CERS6: variants seen among roughly 807,000 people sequenced by gnomAD.
CERS6 encodes LAG1 homolog, ceramide synthase 6.
A neutral mutation model predicts 56.8 loss-of-function variants in CERS6; 26 were observed. The observed-to-expected ratio is 0.46, with a 90% confidence interval of 0.34 to 0.63. The LOEUF is 0.63. Ranked by LOEUF, CERS6 falls within the 30% of genes least tolerant of loss-of-function variation. The pLI is 0.01. For synonymous variants in CERS6, 164 were observed against 173.3 expected (o/e 0.95, Z 0.42); for missense variants, 415 against 467.5 (o/e 0.89, Z 1.04).
At chr2:168,503,046 G>T (rs1694613069) in intron 1 of CERS6, among the ~76,000 whole-genome samples, 1 of 152,136 alleles carries the variant, frequency 6.6e-6, no homozygotes, top group Non-Finnish European at 1.5e-5. Context: ...GGAGGGGATT[G>T]GATCATGGGG....
At chr2:168,707,987 T>C (rs1012105820) in intron 6 of CERS6, among the ~76,000 whole-genome samples, 5 of 152,154 alleles carry the variant, frequency 3.3e-5, no homozygotes, top group African/African-American at 4.8e-5. Flanking sequence ...ACGTATTTTG[T>C]GATTTATTTG....
At chr2:168,606,736 C>T (rs1684062493) in intron 3 of CERS6, among the ~76,000 whole-genome samples, 1 of 152,320 alleles carries the variant, frequency 6.6e-6, no homozygotes, top group East Asian at 1.9e-4. Context: ...TATGTAATCC[C>T]CATGCTGGAG....
intron 3 of CERS6, among the ~76,000 whole-genome samples, chr2:168,576,586 A>AT (rs1327305989): frequency 1.3e-5 from 2 of 152,072 alleles, no homozygotes; most frequent in African/African-American, 2.4e-5. Flanking sequence ...TTTTGAAACA[A>AT]TTTTTTTATT....
chr2:168,653,860 C>T (rs1296562568), intron 4 of CERS6, among the ~76,000 whole-genome samples: 1 of 152,186 alleles, frequency 6.6e-6, no homozygotes, highest in Non-Finnish European at 1.5e-5. Flanking sequence ...GTTGGAAAAT[C>T]ATCTGCTTGA....
At chr2:168,649,326 C>A (rs1685284482) in intron 4 of CERS6, among the ~76,000 whole-genome samples, 7 of 152,110 alleles carry the variant, frequency 4.6e-5, no homozygotes, top group Admixed American at 4.6e-4. Context: ...TCGTGGGCTT[C>A]CTTATCCACA....
intron 8 of CERS6, among the ~76,000 whole-genome samples, chr2:168,760,548 A>G (rs1347373990): frequency 1.3e-5 from 2 of 152,170 alleles, no homozygotes; most frequent in Admixed American, 6.5e-5. Context: ...AGTATTAACT[A>G]TCACAACCAC....
At chr2:168,702,314 A>G (rs1487317205) in intron 6 of CERS6, among the ~76,000 whole-genome samples, 1 of 152,168 alleles carries the variant, frequency 6.6e-6, no homozygotes, top group Admixed American at 6.5e-5. Context: ...ACTTTTTTTC[A>G]TAGAACCCCA....
At chr2:168,512,878 G>T (rs1694814030) in intron 1 of CERS6, among the ~76,000 whole-genome samples, 1 of 152,030 alleles carries the variant, frequency 6.6e-6, no homozygotes. Flanking sequence ...ATGTTGGCCA[G>T]GCTGGTCTCG....
At chr2:168,749,245 A>C (rs1032445422) in intron 8 of CERS6, among the ~76,000 whole-genome samples, 1 of 151,766 alleles carries the variant, frequency 6.6e-6, no homozygotes, top group Admixed American at 6.6e-5. Flanking sequence ...ATCAAATATC[A>C]TACTATTTGT....
intron 3 of CERS6, among the ~76,000 whole-genome samples, chr2:168,617,268 A>G (rs1388456772): frequency 2.0e-5 from 3 of 152,166 alleles, no homozygotes; most frequent in African/African-American, 7.2e-5. Context: ...CTAAATGCCT[A>G]CATCAAAAAG....
chr2:168,474,275 G>A (rs1397989267), intron 1 of CERS6, among the ~76,000 whole-genome samples: 1 of 152,160 alleles, frequency 6.6e-6, no homozygotes, highest in South Asian at 2.1e-4. Context: ...AGGAAACAAT[G>A]CAGTAACTTC....
Position 168,509,752 on chromosome 2 carries a change from C to T in CERS6, c.171-37844C>T, listed in dbSNP as rs531276737. On this transcript the variant is annotated intron_variant, in intron 1 of 9. Transcript: ENST00000305747. ...AAAGACTGCATTAAGGCCAGACCAGCGGCTTTCTTTCAGAAGACAACAGTA... is the reference window on the plus strand; with the variant it reads ...AAAGACTGCATTAAGGCCAGACCAGTGGCTTTCTTTCAGAAGACAACAGTA... Among the ~76,000 whole-genome samples the T allele has an allele frequency of 6.6e-5, 10 of 152,274 alleles. 1 individual carries two copies. Among genetic ancestry groups the T allele is most frequent in the East Asian group, 1.9e-4 (1 of 5,186 alleles).
At chr2:168,738,964 C>T (rs1032649372) in intron 8 of CERS6, among the ~76,000 whole-genome samples, 1 of 151,788 alleles carries the variant, frequency 6.6e-6, no homozygotes, top group Non-Finnish European at 1.5e-5. Flanking sequence ...CGGCTAACTG[C>T]AACCTCCACC....
intron 1 of CERS6, among the ~76,000 whole-genome samples, chr2:168,462,849 A>G (rs377471719): frequency 1.1e-4 from 16 of 152,238 alleles, no homozygotes; most frequent in East Asian, 5.8e-4. Flanking sequence ...GATTCTTGCA[A>G]TGTCTTTTTG....
At chr2:168,566,942 T>C (rs1192561952) in intron 3 of CERS6, among the ~76,000 whole-genome samples, 1 of 152,230 alleles carries the variant, frequency 6.6e-6, no homozygotes, top group Non-Finnish European at 1.5e-5. Context: ...TTACAAAATT[T>C]ACTGCCAAAA....
At chr2:168,664,983 G>A (rs1233304093) in intron 4 of CERS6, among the ~76,000 whole-genome samples, 1 of 152,102 alleles carries the variant, frequency 6.6e-6, no homozygotes, top group Non-Finnish European at 1.5e-5. Context: ...ACCTGCCCTG[G>A]ATCACTGTCT....
chr2:168,567,213 C>T (rs796175845), intron 3 of CERS6, among the ~76,000 whole-genome samples: 7 of 152,092 alleles, frequency 4.6e-5, no homozygotes, highest in African/African-American at 1.7e-4. Flanking sequence ...GTTTGGAGAA[C>T]AACTTCTGTA....
intron 3 of CERS6, among the ~76,000 whole-genome samples, chr2:168,575,393 CT>C (rs770023959): frequency 3.9e-5 from 6 of 152,060 alleles, no homozygotes; most frequent in Non-Finnish European, 8.8e-5. Context: ...GCAGGCACGT[CT>C]TACATGGTGG....
chr2:168,746,458 T>G (rs1374180094), intron 8 of CERS6, among the ~76,000 whole-genome samples: 2 of 152,002 alleles, frequency 1.3e-5, no homozygotes, highest in East Asian at 3.9e-4. Context: ...CCCACCCCTC[T>G]GCCATCACGT....
Sources: allele counts gnomAD v4.1 joint callset (sites outside exome capture counted in the v4.1 genomes callset), GRCh38; gene constraint gnomAD v4.1.1; transcripts MANE v1.5; gene names NCBI Gene and HGNC (gene_info 2026-07-23, HGNC 2026-07-21).